The following PDE4D variants were observed in gnomAD, a reference collection of about 807,000 sequenced individuals.
PDE4D encodes the protein 3',5'-cyclic-AMP phosphodiesterase 4D.
Under a neutral mutation model 87.4 loss-of-function variants are expected in PDE4D, and 24 were observed. The ratio of observed to expected loss-of-function variants is 0.27; its 90% CI spans 0.20 to 0.39. The LOEUF (loss-of-function observed/expected upper bound fraction) is 0.39, where lower values mean the gene tolerates loss of function less well. Ranked by LOEUF, PDE4D falls within the 10% of genes least tolerant of loss-of-function variation. The probability of loss-of-function intolerance (pLI) is 1.00; values close to 1 mark genes in which losing one functional copy is unlikely to be tolerated. For synonymous variants in PDE4D, 384 were observed against 383.2 expected, an observed-to-expected ratio of 1.00 and a Z score of -0.02; for missense variants, 714 against 1,041.0, an observed-to-expected ratio of 0.69 and a Z score of 4.32.
At chr5:59,685,784 T>C (rs560558471) in intron 1 of PDE4D, among the ~76,000 whole-genome samples, 18 of 152,256 alleles carry the variant, frequency 1.2e-4, no homozygotes, top group African/African-American at 4.3e-4. Context: ...GAAATTCTGT[T>C]ACCTTTCCAG....
At chr5:59,236,073 C>A (rs1340454729) in intron 1 of PDE4D, among the ~76,000 whole-genome samples, 2 of 152,110 alleles carry the variant, frequency 1.3e-5, no homozygotes, top group Admixed American at 1.3e-4. Flanking sequence ...GGCTATATTG[C>A]AGGAAGCTGA....
chr5:59,323,477 C>G (rs942988957), intron 1 of PDE4D, among the ~76,000 whole-genome samples: 1 of 152,064 alleles, frequency 6.6e-6, no homozygotes, highest in Non-Finnish European at 1.5e-5. Context: ...TTAATTCACT[C>G]CCCTTGCCCC....
rs560987789 is a variant in PDE4D at position 59,545,857 on chromosome 5, C to G, written c.456-329889G>C. On this transcript the variant is annotated intron_variant, in intron 1 of 14. Transcript: ENST00000340635. ...AAAAATTGTTGACGAAGTAAAATAGCATTAAATCCTGTAAAAAGATTACAG... is the reference window on the plus strand; with the variant it reads ...AAAAATTGTTGACGAAGTAAAATAGGATTAAATCCTGTAAAAAGATTACAG... Among the ~76,000 whole-genome samples the G allele has an allele frequency of 2.0e-5, 3 of 152,146 alleles. No individual in the cohort carries two copies. The East Asian group carries it at 5.8e-4, about 29-fold the overall frequency.
intron 1 of PDE4D, among the ~76,000 whole-genome samples, chr5:60,480,952 G>A (rs1188069228): frequency 1.3e-5 from 2 of 152,102 alleles, no homozygotes; most frequent in African/African-American, 4.8e-5. Flanking sequence ...ATGAGCTAGG[G>A]AAATAAACAA....
chr5:59,569,328 A>T (rs1821435592), intron 1 of PDE4D, among the ~76,000 whole-genome samples: 1 of 152,204 alleles, frequency 6.6e-6, no homozygotes, highest in South Asian at 2.1e-4. Flanking sequence ...AAGACAGGAA[A>T]CAATTTACAG....
chr5:59,790,159 T>C (rs1765627342), intron 1 of PDE4D, among the ~76,000 whole-genome samples: 1 of 152,202 alleles, frequency 6.6e-6, no homozygotes, highest in African/African-American at 2.4e-5. Context: ...TAGTGACATG[T>C]AGAGCCCAGG....
chr5:60,495,762 C>T (rs1039983637), intron 1 of PDE4D, among the ~76,000 whole-genome samples: 1 of 152,212 alleles, frequency 6.6e-6, no homozygotes, highest in African/African-American at 2.4e-5. Context: ...GATCCTTTAA[C>T]CATTAATGAA....
chr5:59,615,838 C>A, intron 1 of PDE4D, among the ~76,000 whole-genome samples: 1 of 152,232 alleles, frequency 6.6e-6, no homozygotes, highest in East Asian at 1.9e-4. Flanking sequence ...CAAAAGAGGA[C>A]TATCTTACAG....
chr5:59,155,238 A>T (rs575087819), intron 5 of PDE4D, among the ~76,000 whole-genome samples: 3 of 152,338 alleles, frequency 2.0e-5, no homozygotes, highest in Admixed American at 2.0e-4. Flanking sequence ...GAATACTCAC[A>T]TTTAAGAGGT....
chr5:59,593,234 T>C (rs1480309406), intron 1 of PDE4D, among the ~76,000 whole-genome samples: 1 of 151,896 alleles, frequency 6.6e-6, no homozygotes, highest in African/African-American at 2.4e-5. Flanking sequence ...AGCAAAAATA[T>C]TTCTCATGTA....
chr5:59,947,089 G>A (rs1423855490), intron 3 of PDE4D, among the ~76,000 whole-genome samples: 1 of 152,200 alleles, frequency 6.6e-6, no homozygotes, highest in East Asian at 1.9e-4. Context: ...TGTTGCCAAT[G>A]AGACCAAGCT....
chr5:60,371,769 C>G (rs1158159127), intron 1 of PDE4D, among the ~76,000 whole-genome samples: 1 of 152,168 alleles, frequency 6.6e-6, no homozygotes, highest in Admixed American at 6.5e-5. Context: ...GGCATGCACT[C>G]TTTTGTATCT....
At chr5:59,876,408 A>G (rs576965796) in intron 1 of PDE4D, among the ~76,000 whole-genome samples, 22 of 152,176 alleles carry the variant, frequency 1.4e-4, no homozygotes, top group Non-Finnish European at 2.5e-4. Flanking sequence ...CTGACCTGGT[A>G]AGTGCTACCA....
chr5:60,012,137 A>G lies in PDE4D; in HGVS notation c.43-23420T>C, dbSNP rs1765076574. Among the ~76,000 whole-genome samples, 6 of 152,338 alleles carry G rather than the reference A, an allele frequency of 3.9e-5. No homozygotes were observed. In the South Asian group the frequency reaches 1.2e-3, roughly 32 times the overall value. The stretch of plus-strand genomic sequence containing the variant: ...ACAATAATATATAAAAATAAGTCAG[A>G]TCTAAAAATTACTCCCTATCAATGC... On this transcript the variant is annotated intron_variant, in intron 2 of 16. Transcript: ENST00000502484.
intron 1 of PDE4D, among the ~76,000 whole-genome samples, chr5:59,601,864 A>G (rs1827557309): frequency 6.6e-6 from 1 of 152,128 alleles, no homozygotes; most frequent in South Asian, 2.1e-4. Flanking sequence ...AACTAATATC[A>G]ATTTTCCTCA....
chr5:59,413,189 G>A (rs981093198), intron 1 of PDE4D, among the ~76,000 whole-genome samples: 6 of 151,900 alleles, frequency 3.9e-5, no homozygotes, highest in African/African-American at 1.5e-4. Flanking sequence ...TGGGCGCGGT[G>A]GCTCACGCCT....
At chr5:59,189,643 GCC>G (rs1231239107) in intron 3 of PDE4D, among the ~76,000 whole-genome samples, 1 of 152,020 alleles carries the variant, frequency 6.6e-6, no homozygotes, top group Non-Finnish European at 1.5e-5. Flanking sequence ...GTGCTCCTTG[GCC>G]CCCAAGAACT....
chr5:59,728,950 C>T (rs1756990736), intron 1 of PDE4D, among the ~76,000 whole-genome samples: 1 of 151,990 alleles, frequency 6.6e-6, no homozygotes, highest in Non-Finnish European at 1.5e-5. Context: ...AATATTATGG[C>T]TCCCAGATGT....
intron 1 of PDE4D, among the ~76,000 whole-genome samples, chr5:59,638,853 T>C (rs1448059132): frequency 6.6e-6 from 1 of 152,158 alleles, no homozygotes; most frequent in Non-Finnish European, 1.5e-5. Context: ...CCAGTTCTCA[T>C]AACTTTTAGG....
Sources: gnomAD v4.1 joint callset for allele counts (sites outside exome capture counted in the v4.1 genomes callset) on GRCh38, gnomAD v4.1.1 for gene constraint, MANE v1.5 for transcripts, NCBI Gene and HGNC (gene_info 2026-07-23, HGNC 2026-07-21) for gene names.